The following GPM6B variants were observed in gnomAD, a reference collection of about 807,000 sequenced individuals.
The protein encoded by GPM6B is glycoprotein M6B.
GPM6B carries 4 observed loss-of-function variants against 27.2 expected under a neutral mutation model. The ratio of observed to expected loss-of-function variants is 0.15; its 90% CI spans 0.07 to 0.34. The LOEUF (loss-of-function observed/expected upper bound fraction) is 0.34, where lower values mean the gene tolerates loss of function less well. GPM6B is among the 10% of genes least tolerant of loss of function. GPM6B has a pLI of 1.00. For missense variants in GPM6B, 183 were observed against 261.9 expected (o/e 0.70, Z 2.08); for synonymous variants, 124 against 103.1 (o/e 1.20, Z -1.23).
rs200320105 is a variant in GPM6B, at chrX:13,783,534, G to A, written c.369-13C>T. The A allele has an allele frequency of 8.5e-7, 1 of 1,180,441 alleles. No homozygotes were observed. Among genetic ancestry groups the A allele is most frequent in the East Asian group, 3.0e-5 (1 of 33,570 alleles). ...CATCAGTTGTATCCTACAAAGAGAA[G>A]AAGAGATCCTGAACCATTAAATTCA... On this transcript the variant is annotated splice_polypyrimidine_tract_variant and intron_variant, in intron 3 of 7. Transcript: ENST00000316715.
rs759724093 is a variant in GPM6B at position 13,790,105 on chromosome X, C to T, written c.182-4297G>A. 6.2e-5 allele frequency among the ~76,000 whole-genome samples: 7 copies of T among 112,106 alleles called. No individual in the cohort carries two copies. In the East Asian group the frequency reaches 1.7e-3, roughly 27 times the overall value. On this transcript the variant is annotated intron_variant, in intron 2 of 7. Coordinates refer to ENST00000316715, the MANE Select transcript of GPM6B (RefSeq NM_001001995.3). ...TTGGGCTCAAGTGATCCTCCCGCCT[C>T]GGCCTCCCAAAGTGCTGCAATTACA... is the stretch of plus-strand genomic sequence containing the variant.
At chrX:13,786,350 T>TA (rs1187296093) in intron 2 of GPM6B, among the ~76,000 whole-genome samples, 1 of 112,015 alleles carries the variant, frequency 8.9e-6, no homozygotes, top group Non-Finnish European at 1.9e-5. Context: ...ATACAGCAAT[T>TA]ATGCCGTCGC....
intron 1 of GPM6B, among the ~76,000 whole-genome samples, chrX:13,840,955 T>C (rs974530173): frequency 1.8e-5 from 2 of 112,142 alleles, no homozygotes; most frequent in Admixed American, 1.9e-4. Context: ...TAGGAGGATG[T>C]AAAATATTTA....
intron 2 of GPM6B, among the ~76,000 whole-genome samples, chrX:13,798,540 T>A (rs2048858502): frequency 8.9e-6 from 1 of 112,731 alleles, no homozygotes; most frequent in Admixed American, 9.3e-5. Flanking sequence ...GTTGCATAAA[T>A]AAATATATGT....
In GPM6B at chrX:13,785,359, C is replaced by T. The variant is rs145830506; in HGVS notation, c.368+263G>A. On this transcript the variant is annotated intron_variant, in intron 3 of 7. Coordinates refer to ENST00000316715, the MANE Select transcript of GPM6B (RefSeq NM_001001995.3). ...TTGCCATCTCGGCTCACCAGCTCAC[C>T]GCAACATCCACCTCCTGGGTTCAAC... 9.2e-4 allele frequency among the ~76,000 whole-genome samples: 103 copies of T among 111,515 alleles called. No individual in the cohort carries two copies. In the East Asian group the frequency reaches 0.019, roughly 20 times the overall value.
rs768241175 is a variant in GPM6B, at chrX:13,888,514, G to A, written c.-198+49813C>T. 1.8e-4 allele frequency among the ~76,000 whole-genome samples: 20 copies of A among 111,829 alleles called. No individual in the cohort carries two copies. In the South Asian group the frequency reaches 5.7e-3, roughly 32 times the overall value. The stretch of plus-strand genomic sequence containing the variant: ...GTTCAGCGGCTCTGTGCACACTGCC[G>A]CATTATGCCCAGGCTCTCGGCGAGG... On this transcript the variant is annotated intron_variant, in intron 1 of 6. Transcript: ENST00000398361.
chrX:13,825,736 G>T (rs2049365177), intron 1 of GPM6B, among the ~76,000 whole-genome samples: 1 of 112,386 alleles, frequency 8.9e-6, no homozygotes, highest in African/African-American at 3.2e-5. Context: ...GGTGGTGAGG[G>T]GAAGGCCAGA....
chrX:13,783,748 C>A, intron 3 of GPM6B: 1 of 466,333 alleles, frequency 2.1e-6, no homozygotes, highest in Non-Finnish European at 3.9e-6. Context: ...TTGCTCAGGG[C>A]AGCATCCAGT....
At chrX:13,774,212 CAG>C in intron 7 of GPM6B, 1 of 767,494 alleles carries the variant, frequency 1.3e-6, no homozygotes, top group Non-Finnish European at 1.5e-6. Context: ...TCAAAAATAA[CAG>C]AAAATGTAAG....
chrX:13,896,885 T>C (rs1055497573), intron 1 of GPM6B, among the ~76,000 whole-genome samples: 14 of 112,258 alleles, frequency 1.2e-4, no homozygotes, highest in Admixed American at 3.8e-4. Flanking sequence ...CAATTTCCTA[T>C]GTTTGCTCTA....
chrX:13,859,413 A>G (rs1397922913), intron 1 of GPM6B, among the ~76,000 whole-genome samples: 1 of 111,320 alleles, frequency 9.0e-6, no homozygotes, highest in Non-Finnish European at 1.9e-5. Flanking sequence ...CCTTTTTTTC[A>G]TTGCTGAGTA....
At chrX:13,909,287 C>T (rs999846222) in intron 1 of GPM6B, among the ~76,000 whole-genome samples, 3 of 109,655 alleles carry the variant, frequency 2.7e-5, no homozygotes, top group Admixed American at 9.8e-5. Context: ...CCATACCCAG[C>T]TAATTTTTGT....
At chrX:13,821,832 TG>T (rs1252847867), upstream of GPM6B, among the ~76,000 whole-genome samples, 1 of 111,497 alleles carries the variant, frequency 9.0e-6, no homozygotes, top group Non-Finnish European at 1.9e-5. Flanking sequence ...TGACCTCAGG[TG>T]ATCTGCCTGC....
At chrX:13,810,744 T>TAAA (rs747466374) in intron 1 of GPM6B, among the ~76,000 whole-genome samples, 1 of 80,678 alleles carries the variant, frequency 1.2e-5, no homozygotes, top group Non-Finnish European at 2.5e-5. Context: ...ATTCAGGATT[T>TAAA]AAAAAAAAAA....
intron 1 of GPM6B, among the ~76,000 whole-genome samples, chrX:13,925,901 A>G (rs752593692): frequency 9.6e-6 from 1 of 104,355 alleles, no homozygotes; most frequent in African/African-American, 3.5e-5. Context: ...AAAAATACAA[A>G]AACATTAGCC....
rs5979995 is a variant in GPM6B at position 13,887,992 on chromosome X, T to G, written c.-198+50335A>C. Among the ~76,000 whole-genome samples the G allele has an allele frequency of 2.6e-3, 287 of 111,891 alleles. 1 individual carries two copies. The highest frequency in any genetic ancestry group is 8.8e-3 in the African/African-American group (271 of 30,789). ...CACCCAGCTTAAAAAGACATACAGC[T>G]GGCGCTAATTGCAGAATTTTATATT... is the stretch of plus-strand genomic sequence containing the variant. On this transcript the variant is annotated intron_variant, in intron 1 of 6. Coordinates refer to the GPM6B transcript ENST00000398361.
chrX:13,900,026 T>C (rs569936682), intron 1 of GPM6B, among the ~76,000 whole-genome samples: 2 of 112,105 alleles, frequency 1.8e-5, no homozygotes, highest in African/African-American at 6.5e-5. Context: ...TATTTGTAAA[T>C]AGATGAGACT....
intron 1 of GPM6B, among the ~76,000 whole-genome samples, chrX:13,866,654 T>A (rs6629399): frequency 0.21 from 22,636 of 110,375 alleles, 1,920 homozygotes; most frequent in East Asian, 0.6. Flanking sequence ...TTTAAAAATT[T>A]AAAATATATA....
chrX:13,927,091 A>C (rs1032678902), intron 1 of GPM6B, among the ~76,000 whole-genome samples: 4 of 111,457 alleles, frequency 3.6e-5, no homozygotes, highest in African/African-American at 1.3e-4. Flanking sequence ...ACAAATAAGG[A>C]TCTAAATGGA....
Sources: gnomAD v4.1 joint callset for allele counts (sites outside exome capture counted in the v4.1 genomes callset) on GRCh38, gnomAD v4.1.1 for gene constraint, MANE v1.5 for transcripts, NCBI Gene and HGNC (gene_info 2026-07-23, HGNC 2026-07-21) for gene names.